The following CNTNAP2 variants were observed in gnomAD, a reference collection of about 807,000 sequenced individuals.
The protein encoded by CNTNAP2 is contactin associated protein 2.
A neutral mutation model predicts 155.2 loss-of-function variants in CNTNAP2; 98 were observed. The ratio of observed to expected loss-of-function variants is 0.63; its 90% CI spans 0.54 to 0.75. The LOEUF (loss-of-function observed/expected upper bound fraction) is 0.75. Among genes scored for constraint, CNTNAP2 ranks in the 30% least tolerant of loss-of-function variants. CNTNAP2 has a pLI of 0.00. For missense variants in CNTNAP2, 1,727 were observed against 1,688.1 expected (o/e 1.02, Z -0.40); for synonymous variants, 651 against 631.2 (o/e 1.03, Z -0.47).
At chr7:146,339,806 C>G (rs1299044722) in intron 1 of CNTNAP2, among the ~76,000 whole-genome samples, 3 of 152,044 alleles carry the variant, frequency 2.0e-5, no homozygotes, top group Non-Finnish European at 4.4e-5. Context: ...GTGCAATGGT[C>G]CATTTGTCAG....
Position 147,120,926 on chromosome 7 carries a change from A to G in CNTNAP2, c.755-53A>G, listed in dbSNP as rs1801097940. The G allele has an allele frequency of 4.6e-6, 7 of 1,525,658 alleles. No individual in the cohort carries two copies. The East Asian group carries it at 1.1e-4, about 25-fold the overall frequency. The allele number at this position is 1,525,658 out of a possible 1,614,324, so 94.5% of individuals were successfully genotyped here. On this transcript the variant is annotated intron_variant, in intron 5 of 23. Coordinates refer to ENST00000361727, the MANE Select transcript of CNTNAP2 (RefSeq NM_014141.6). ...GTAAATGAAAGATCTTCTGCTTCAC[A>G]GAGTTGGCCATAGCATCATTGCATT... is the stretch of plus-strand genomic sequence containing the variant.
intron 1 of CNTNAP2, among the ~76,000 whole-genome samples, chr7:146,202,191 C>A (rs1798874561): frequency 6.6e-6 from 1 of 152,050 alleles, no homozygotes; most frequent in African/African-American, 2.4e-5. Context: ...TTGCCATAGG[C>A]AAATTGGTAT....
At position 148,416,284 on chromosome 7, in the gene CNTNAP2, A is replaced by ACTGGAGAGAGGCATTAAAGAACC. The variant is rs1184843930; in HGVS notation, c.*669_*691dup. ...GGTGTGTAACGACACAATCAGCACA[A>ACTGGAGAGAGGCATTAAAGAACC]CTGGAGAGAGGCATTAAAGAACCAG... On this transcript the variant is annotated 3_prime_UTR_variant, in exon 24 of 24. Coordinates refer to ENST00000361727, the MANE Select transcript of CNTNAP2 (RefSeq NM_014141.6). 6.6e-6 allele frequency: 1 copy of ACTGGAGAGAGGCATTAAAGAACC among 152,334 alleles called. No individual in the cohort carries two copies. The highest frequency in any genetic ancestry group is 1.9e-4 in the East Asian group (1 of 5,200). The allele number at this position is 152,334 out of a possible 1,614,324, so 9.4% of individuals were successfully genotyped here.
chr7:147,566,964 T>C (rs1021220390), intron 12 of CNTNAP2, among the ~76,000 whole-genome samples: 5 of 152,098 alleles, frequency 3.3e-5, no homozygotes, highest in Admixed American at 6.5e-5. Flanking sequence ...TCCTAGAGAA[T>C]GACAGAAAGA....
At chr7:146,908,008 C>T (rs1796178254) in intron 3 of CNTNAP2, among the ~76,000 whole-genome samples, 1 of 152,022 alleles carries the variant, frequency 6.6e-6, no homozygotes, top group Non-Finnish European at 1.5e-5. Context: ...ATCCTAGTCT[C>T]TGATAAAACA....
rs142376338 is a variant in CNTNAP2, at chr7:147,946,738, G to A, written c.2256-31124G>A. On this transcript the variant is annotated intron_variant, in intron 14 of 23. Coordinates refer to ENST00000361727, the MANE Select transcript of CNTNAP2 (RefSeq NM_014141.6). ...GGCCACAGTGGGATATTCTCAGTCC[G>A]TCTGGGTCTCTAGATTTACAAAGAA... Among the ~76,000 whole-genome samples, 613 of 152,218 alleles carry A rather than the reference G, an allele frequency of 4.0e-3. 5 individuals are homozygous for A. The highest frequency in any genetic ancestry group is 0.014 in the African/African-American group (581 of 41,532).
At chr7:146,771,782 A>G (rs1052167890) in intron 1 of CNTNAP2, among the ~76,000 whole-genome samples, 2 of 152,196 alleles carry the variant, frequency 1.3e-5, no homozygotes, top group African/African-American at 4.8e-5. Flanking sequence ...ACTTAAGTGA[A>G]TTTACAAGAA....
intron 13 of CNTNAP2, among the ~76,000 whole-genome samples, chr7:147,880,429 C>T (rs995272405): frequency 1.3e-5 from 2 of 152,026 alleles, no homozygotes; most frequent in African/African-American, 4.8e-5. Flanking sequence ...GATGCCTAAT[C>T]GACAGTTGGA....
intron 1 of CNTNAP2, among the ~76,000 whole-genome samples, chr7:146,308,371 C>A (rs536679141): frequency 5.3e-4 from 80 of 152,264 alleles, no homozygotes; most frequent in African/African-American, 1.9e-3. Flanking sequence ...TGCTTTTACA[C>A]CATTGGTGGG....
chr7:147,772,478 A>G (rs1221527873), intron 13 of CNTNAP2, among the ~76,000 whole-genome samples: 2 of 129,972 alleles, frequency 1.5e-5, no homozygotes, highest in Non-Finnish European at 3.2e-5. Flanking sequence ...ATATATATAT[A>G]TATATACACA....
intron 3 of CNTNAP2, among the ~76,000 whole-genome samples, chr7:147,013,669 A>C (rs143672152): frequency 6.6e-6 from 1 of 152,140 alleles, no homozygotes; most frequent in Non-Finnish European, 1.5e-5. Flanking sequence ...TATTTACAGC[A>C]TATGTTCTTA....
chr7:147,112,895 C>T lies in CNTNAP2; in HGVS notation c.754+4545C>T, dbSNP rs73471015. Among the ~76,000 whole-genome samples, 1,278 of 152,126 alleles carry T rather than the reference C, an allele frequency of 8.4e-3. 15 individuals carry two copies. The highest frequency in any genetic ancestry group is 0.03 in the African/African-American group (1,227 of 41,502). Reference sequence around the variant, plus strand: ...GGTTTTGGTACCAGGATGATGCTGGCCTCATAGAGTGTGCTAGAGAGGAGT... The same window carrying T: ...GGTTTTGGTACCAGGATGATGCTGGTCTCATAGAGTGTGCTAGAGAGGAGT... On this transcript the variant is annotated intron_variant, in intron 5 of 23. Transcript: ENST00000361727.
chr7:147,530,607 C>A lies in CNTNAP2; in HGVS notation c.1778-31531C>A, dbSNP rs558078355. Among the ~76,000 whole-genome samples the A allele has an allele frequency of 7.2e-5, 11 of 152,244 alleles. No individual in the cohort carries two copies. In the East Asian group the frequency reaches 1.7e-3, roughly 24 times the overall value. The stretch of plus-strand genomic sequence containing the variant: ...AAAAATAGCACAGGAAAGACTGGCA[C>A]CCTGGATTCAGTTACCTCCCCCTCA... On this transcript the variant is annotated intron_variant, in intron 11 of 23. Transcript: ENST00000361727.
rs148419812 is a variant in CNTNAP2 at position 147,856,358 on chromosome 7, CT to C, written c.2099-47203del. ...CAGCGGACTCATGTGTGCCCTGGCA[CT>C]TTTCCTATCTCACTAATCGCCCTTC... On this transcript the variant is annotated intron_variant, in intron 13 of 23. Coordinates refer to ENST00000361727, the MANE Select transcript of CNTNAP2 (RefSeq NM_014141.6). 3.3e-3 allele frequency among the ~76,000 whole-genome samples: 499 copies of C among 152,304 alleles called. 8 individuals carry two copies. The East Asian group carries it at 0.034, about 10-fold the overall frequency.
At chr7:147,261,653 T>C (rs1263938306) in intron 8 of CNTNAP2, among the ~76,000 whole-genome samples, 1 of 152,078 alleles carries the variant, frequency 6.6e-6, no homozygotes, top group Non-Finnish European at 1.5e-5. Context: ...ATTATTTGAA[T>C]GGCGTTGTCA....
intron 1 of CNTNAP2, among the ~76,000 whole-genome samples, chr7:146,672,594 C>T (rs1803247628): frequency 6.6e-6 from 1 of 152,128 alleles, no homozygotes; most frequent in Non-Finnish European, 1.5e-5. Context: ...CACGGGTTAT[C>T]CTCCTTTTTG....
chr7:146,956,188 G>A (rs1461797233), intron 3 of CNTNAP2, among the ~76,000 whole-genome samples: 2 of 151,840 alleles, frequency 1.3e-5, no homozygotes, highest in Non-Finnish European at 2.9e-5. Flanking sequence ...GTTTAGACTT[G>A]GTATTAAAAA....
At chr7:147,390,854 G>A (rs541001001) in intron 9 of CNTNAP2, among the ~76,000 whole-genome samples, 1 of 152,150 alleles carries the variant, frequency 6.6e-6, no homozygotes, top group South Asian at 2.1e-4. Context: ...TGGCCATCTT[G>A]GAGATTGATT....
At chr7:146,594,794 T>A (rs1028698902) in intron 1 of CNTNAP2, among the ~76,000 whole-genome samples, 1 of 152,134 alleles carries the variant, frequency 6.6e-6, no homozygotes, top group African/African-American at 2.4e-5. Flanking sequence ...AATCATATAC[T>A]GATAAATATT....
Sources: gnomAD v4.1 joint callset for allele counts (sites outside exome capture counted in the v4.1 genomes callset) on GRCh38, gnomAD v4.1.1 for gene constraint, MANE v1.5 for transcripts, NCBI Gene and HGNC (gene_info 2026-07-23, HGNC 2026-07-21) for gene names.